USP50: variants seen among roughly 807,000 people sequenced by gnomAD.
USP50 encodes the protein ubiquitin carboxyl-terminal hydrolase 50.
In USP50, 37 loss-of-function variants were observed where a neutral mutation model predicts 39.2. The ratio of observed to expected loss-of-function variants is 0.94; its 90% CI spans 0.73 to 1.24. The LOEUF (loss-of-function observed/expected upper bound fraction) is 1.24, where lower values mean the gene tolerates loss of function less well. Among genes scored for constraint, USP50 ranks in the 50% most tolerant of loss-of-function variants. The probability of loss-of-function intolerance (pLI) is 0.00; values close to 1 mark genes in which losing one functional copy is unlikely to be tolerated. For synonymous variants in USP50, 139 were observed against 144.5 expected (o/e 0.96, Z 0.27); for missense variants, 374 against 398.2 (o/e 0.94, Z 0.52).
chr15:50,494,734 G>T (rs1201502841), intron 1 of USP50, among the ~76,000 whole-genome samples: 2 of 152,126 alleles, frequency 1.3e-5, no homozygotes, highest in East Asian at 3.8e-4. Context: ...GAATTACTTG[G>T]CTGGGCACAG....
chr15:50,524,101 T>A (rs2052870478), intron 6 of USP50, among the ~76,000 whole-genome samples: 3 of 152,192 alleles, frequency 2.0e-5, no homozygotes, highest in Non-Finnish European at 4.4e-5. Flanking sequence ...AGTGGATCCT[T>A]ATATCATAAA....
intron 5 of USP50, among the ~76,000 whole-genome samples, chr15:50,531,701 G>A (rs1038433075): frequency 1.3e-5 from 2 of 152,058 alleles, no homozygotes; most frequent in African/African-American, 2.4e-5. Context: ...AAACTAATGG[G>A]GCCCCAGGAG....
intron 1 of USP50, among the ~76,000 whole-genome samples, chr15:50,546,161 T>C (rs1385537397): frequency 6.6e-6 from 1 of 152,084 alleles, no homozygotes; most frequent in Admixed American, 6.6e-5. Flanking sequence ...TGGGGCTCCA[T>C]GAGACAGTGA....
chr15:50,509,105 C>G (rs1260879769), intron 6 of USP50: 1 of 127,212 alleles, frequency 7.9e-6, no homozygotes, highest in African/African-American at 3.0e-5. Flanking sequence ...TGTGCTCCAG[C>G]CTGGGCGACA....
intron 6 of USP50, among the ~76,000 whole-genome samples, chr15:50,527,012 C>A (rs1323132458): frequency 6.6e-6 from 1 of 152,168 alleles, no homozygotes; most frequent in African/African-American, 2.4e-5. Context: ...AAGAGCCTGC[C>A]TTGTAAAGCA....
downstream of USP50, chr15:50,493,478 C>T (rs768558595): frequency 1.9e-6 from 1 of 518,924 alleles, no homozygotes; most frequent in South Asian, 1.4e-5. Context: ...GAAGGCTGGG[C>T]ATGGTGGCTC....
intron 6 of USP50, chr15:50,503,006 C>T (rs1472670221): frequency 6.6e-6 from 1 of 152,192 alleles, no homozygotes; most frequent in African/African-American, 2.4e-5. Context: ...TCGTCTTCCC[C>T]ACCTCTCTCC....
chr15:50,520,262 A>T (rs1231817142), intron 6 of USP50, among the ~76,000 whole-genome samples: 2 of 150,430 alleles, frequency 1.3e-5, no homozygotes, highest in African/African-American at 4.9e-5. Context: ...TGGAGCCATG[A>T]TTTCACCACT....
chr15:50,538,248 GCCTGGCAACAGAGTGA>G (rs1443992622), intron 5 of USP50, among the ~76,000 whole-genome samples: 1 of 123,482 alleles, frequency 8.1e-6, no homozygotes, highest in African/African-American at 3.3e-5. Flanking sequence ...CTGCACTCCA[GCCTGGCAACAGAGTGA>G]GACTGTCTCA....
At chr15:50,517,191 C>T (rs2052810358) in intron 6 of USP50, among the ~76,000 whole-genome samples, 1 of 152,126 alleles carries the variant, frequency 6.6e-6, no homozygotes, top group South Asian at 2.1e-4. Flanking sequence ...TAAGCGGAGG[C>T]CAGGTGTGGT....
At chr15:50,543,519 A>C in intron 3 of USP50, 79 bp downstream of exon 3, 1 of 1,372,680 alleles carries the variant, frequency 7.3e-7, no homozygotes, top group South Asian at 1.3e-5. Flanking sequence ...TATTAATTGA[A>C]CAAGTAAAAG....
chr15:50,496,341 C>T (rs1391435254), downstream of USP50, among the ~76,000 whole-genome samples: 8 of 151,856 alleles, frequency 5.3e-5, no homozygotes, highest in Admixed American at 5.2e-4. Flanking sequence ...ATTAGCCGGG[C>T]GTGGTGGTGG....
intron 6 of USP50, chr15:50,502,923 T>C (rs2052611746): frequency 6.6e-6 from 1 of 152,258 alleles, no homozygotes; most frequent in African/African-American, 2.4e-5. Flanking sequence ...TTGTTTTGTA[T>C]AGCTGTTATC....
At chr15:50,514,857 A>G (rs1035345430) in intron 6 of USP50, among the ~76,000 whole-genome samples, 5 of 151,866 alleles carry the variant, frequency 3.3e-5, no homozygotes, top group African/African-American at 9.7e-5. Flanking sequence ...TTAGCTGGGC[A>G]TGATGGCACT....
intron 5 of USP50, among the ~76,000 whole-genome samples, chr15:50,533,373 C>A (rs2052956869): frequency 6.6e-6 from 1 of 151,416 alleles, no homozygotes; most frequent in African/African-American, 2.4e-5. Context: ...CAGAGAACAC[C>A]AAGAAAGATA....
At chr15:50,517,998 C>A (rs1200474251) in intron 6 of USP50, among the ~76,000 whole-genome samples, 2 of 152,240 alleles carry the variant, frequency 1.3e-5, no homozygotes, top group East Asian at 3.9e-4. Context: ...TCACACCCAG[C>A]CAACAAAAGC....
chr15:50,526,875 C>T (rs1340011193), intron 6 of USP50, among the ~76,000 whole-genome samples: 2 of 152,188 alleles, frequency 1.3e-5, no homozygotes, highest in East Asian at 3.8e-4. Context: ...TACAGAGTGC[C>T]TACCTCGTAG....
At chr15:50,522,923 CAG>C (rs781118054) in intron 6 of USP50, among the ~76,000 whole-genome samples, 1 of 152,094 alleles carries the variant, frequency 6.6e-6, no homozygotes, top group East Asian at 1.9e-4. Context: ...GCTGGGATTA[CAG>C]GAATGAGCCA....
At chr15:50,532,154 A>G (rs2052945413) in intron 5 of USP50, 3 of 456,282 alleles carry the variant, frequency 6.6e-6, no homozygotes, top group Non-Finnish European at 1.3e-5. Flanking sequence ...GGGGGACCAC[A>G]CTTTGTGAAT....
Sources: allele counts gnomAD v4.1 joint callset (sites outside exome capture counted in the v4.1 genomes callset), GRCh38; gene constraint gnomAD v4.1.1; transcripts MANE v1.5; gene names NCBI Gene and HGNC (gene_info 2026-07-23, HGNC 2026-07-21).